The following ZBTB38 variants were observed in gnomAD, a reference collection of about 807,000 sequenced individuals.
ZBTB38 encodes the protein zinc finger and BTB domain-containing protein 38.
A neutral mutation model predicts 76.8 loss-of-function variants in ZBTB38; 20 were observed. That is an observed-to-expected ratio of 0.26 (90% CI 0.18 to 0.38). ZBTB38 has a LOEUF of 0.38. Among genes scored for constraint, ZBTB38 ranks in the 10% least tolerant of loss-of-function variants. ZBTB38 has a pLI of 1.00. For missense variants in ZBTB38, 1,082 were observed against 1,482.3 expected (o/e 0.73, Z 4.43); for synonymous variants, 504 against 544.2 (o/e 0.93, Z 1.03).
At chr3:141,334,429 C>A (rs1361269284) in intron 1 of ZBTB38, among the ~76,000 whole-genome samples, 1 of 127,328 alleles carries the variant, frequency 7.9e-6, no homozygotes, top group African/African-American at 3.3e-5. Flanking sequence ...TCCTTCCTTC[C>A]TTCCTTCCTT....
At chr3:141,436,302 G>C in intron 5 of ZBTB38, among the ~76,000 whole-genome samples, 1 of 152,096 alleles carries the variant, frequency 6.6e-6, no homozygotes, top group East Asian at 1.9e-4. Flanking sequence ...TTTACTTACT[G>C]TTCTTATCAG....
chr3:141,393,407 AGT>A (rs986500119), intron 4 of ZBTB38, among the ~76,000 whole-genome samples: 10 of 152,132 alleles, frequency 6.6e-5, no homozygotes, highest in African/African-American at 2.4e-4. Flanking sequence ...ACCAGCTGAG[AGT>A]GTGGTTAAAT....
intron 5 of ZBTB38, among the ~76,000 whole-genome samples, chr3:141,411,711 C>A (rs1441353389): frequency 2.0e-5 from 3 of 152,168 alleles, no homozygotes; most frequent in Non-Finnish European, 4.4e-5. Flanking sequence ...AGAAAAAAAA[C>A]CCTGACCTTT....
chr3:141,401,702 T>C (rs905569586), intron 4 of ZBTB38, among the ~76,000 whole-genome samples: 1 of 151,906 alleles, frequency 6.6e-6, no homozygotes, highest in Non-Finnish European at 1.5e-5. Context: ...CACCTGTCCA[T>C]TATTCGTGCA....
At chr3:141,351,045 A>T (rs1277691099) in intron 1 of ZBTB38, among the ~76,000 whole-genome samples, 4 of 152,192 alleles carry the variant, frequency 2.6e-5, no homozygotes, top group Non-Finnish European at 5.9e-5. Context: ...TTTGAAAAAA[A>T]TTTATATTAT....
At chr3:141,399,320 C>A (rs1330727828) in intron 4 of ZBTB38, among the ~76,000 whole-genome samples, 1 of 152,186 alleles carries the variant, frequency 6.6e-6, no homozygotes, top group African/African-American at 2.4e-5. Flanking sequence ...GGCCAAAATT[C>A]ATGCCACTTC....
chr3:141,330,521 C>T (rs1376712618), intron 1 of ZBTB38, among the ~76,000 whole-genome samples: 2 of 152,338 alleles, frequency 1.3e-5, no homozygotes, highest in African/African-American at 4.8e-5. Flanking sequence ...CCTCTGAAAC[C>T]AGAGGACCAG....
intron 5 of ZBTB38, among the ~76,000 whole-genome samples, chr3:141,406,541 A>G (rs1363065296): frequency 6.6e-6 from 1 of 152,184 alleles, no homozygotes; most frequent in Non-Finnish European, 1.5e-5. Context: ...GTGTTGAAGC[A>G]TGCTGTCTCC....
intron 1 of ZBTB38, among the ~76,000 whole-genome samples, chr3:141,359,228 G>T (rs575446454): frequency 1.3e-5 from 2 of 152,234 alleles, no homozygotes; most frequent in African/African-American, 4.8e-5. Flanking sequence ...CCCCCTCATT[G>T]TTGGAAGATG....
chr3:141,390,984 A>G (rs975902012), intron 4 of ZBTB38, among the ~76,000 whole-genome samples: 3 of 152,094 alleles, frequency 2.0e-5, no homozygotes, highest in African/African-American at 7.2e-5. Context: ...GCAAGACCCC[A>G]TCTCCACAAA....
chr3:141,377,615 A>G (rs1168513855), intron 2 of ZBTB38, among the ~76,000 whole-genome samples: 1 of 152,260 alleles, frequency 6.6e-6, no homozygotes, highest in Non-Finnish European at 1.5e-5. Flanking sequence ...TTTACACAAG[A>G]GAAATGAAAA....
chr3:141,370,339 C>A (rs1396807576), intron 2 of ZBTB38, among the ~76,000 whole-genome samples: 1 of 152,194 alleles, frequency 6.6e-6, no homozygotes, highest in East Asian at 1.9e-4. Context: ...TTTATGGGCT[C>A]TGCCTAGAAG....
chr3:141,408,502 G>A (rs139555654), intron 5 of ZBTB38, among the ~76,000 whole-genome samples: 223 of 151,742 alleles, frequency 1.5e-3, no homozygotes, highest in African/African-American at 5.1e-3. Flanking sequence ...AGCTGAGATC[G>A]CACCACTGCA....
chr3:141,350,469 G>A (rs1943485032), intron 1 of ZBTB38, among the ~76,000 whole-genome samples: 1 of 152,080 alleles, frequency 6.6e-6, no homozygotes, highest in Non-Finnish European at 1.5e-5. Context: ...TATGTAATCA[G>A]TAATTCTATC....
intron 5 of ZBTB38, among the ~76,000 whole-genome samples, chr3:141,436,457 C>T (rs954145505): frequency 1.3e-5 from 2 of 152,136 alleles, no homozygotes; most frequent in African/African-American, 4.8e-5. Context: ...CAGGCTACAA[C>T]CCCAGTGTTG....
At position 141,441,829 on chromosome 3, in the gene ZBTB38, T is replaced by G. The variant is rs191784134; in HGVS notation, c.1-560T>G. Among the ~76,000 whole-genome samples the G allele has an allele frequency of 6.8e-4, 103 of 152,062 alleles. 1 individual carries two copies. The highest frequency in any genetic ancestry group is 4.2e-4 in the South Asian group (2 of 4,814). On this transcript the variant is annotated intron_variant, in intron 5 of 5. Coordinates refer to ENST00000321464, the MANE Select transcript of ZBTB38 (RefSeq NM_001376113.1). Reference sequence around the variant, plus strand: ...TATTCAGGAAGCTGAGGTGAGAGAATCGCTTGAGCCGGGGAAGTGGAGGTT... The same window carrying G: ...TATTCAGGAAGCTGAGGTGAGAGAAGCGCTTGAGCCGGGGAAGTGGAGGTT...
chr3:141,380,143 CACTT>C (rs945650326), intron 2 of ZBTB38, among the ~76,000 whole-genome samples: 83 of 152,230 alleles, frequency 5.5e-4, no homozygotes, highest in African/African-American at 1.9e-3. Flanking sequence ...GTAAATATGA[CACTT>C]ACTCTCTTTG....
At chr3:141,432,041 C>G (rs1457153942) in intron 5 of ZBTB38, 1 of 970,714 alleles carries the variant, frequency 1.0e-6, no homozygotes, top group Non-Finnish European at 1.2e-6. Context: ...GTGAGGAGGT[C>G]TGACGTAGTC....
intron 5 of ZBTB38, among the ~76,000 whole-genome samples, chr3:141,406,139 A>C (rs1954322316): frequency 6.6e-6 from 1 of 152,252 alleles, no homozygotes; most frequent in African/African-American, 2.4e-5. Context: ...CAAATGATAC[A>C]GTCTTGAATG....
Sources: allele counts gnomAD v4.1 joint callset (sites outside exome capture counted in the v4.1 genomes callset), GRCh38; gene constraint gnomAD v4.1.1; transcripts MANE v1.5; gene names NCBI Gene and HGNC (gene_info 2026-07-23, HGNC 2026-07-21).